The following PRKAR1A variants were observed in gnomAD, a reference collection of about 807,000 sequenced individuals.
PRKAR1A encodes cAMP-dependent protein kinase type I-alpha regulatory subunit.
In PRKAR1A, 3 loss-of-function variants were observed where a neutral mutation model predicts 52.0. The ratio of observed to expected loss-of-function variants is 0.06; its 90% CI spans 0.03 to 0.15. PRKAR1A has a LOEUF of 0.15. Among genes scored for constraint, PRKAR1A ranks in the 10% least tolerant of loss-of-function variants. The probability of loss-of-function intolerance (pLI) is 1.00; values close to 1 mark genes in which losing one functional copy is unlikely to be tolerated. For synonymous variants in PRKAR1A, 188 were observed against 168.4 expected, an observed-to-expected ratio of 1.12 and a Z score of -0.90; for missense variants, 240 against 477.4, an observed-to-expected ratio of 0.50 and a Z score of 4.63.
chr17:68,545,480 A>G (rs956547025), intron 11 of PRKAR1A, among the ~76,000 whole-genome samples: 3 of 152,232 alleles, frequency 2.0e-5, no homozygotes, highest in African/African-American at 7.2e-5. Flanking sequence ...TGAAAAATGT[A>G]TACATCTTAA....
At chr17:68,512,018 C>G (rs1306072252), upstream of PRKAR1A, 2 of 152,658 alleles carry the variant, frequency 1.3e-5, no homozygotes, top group Non-Finnish European at 2.9e-5. Context: ...CAAGGGAGGC[C>G]GGAGGGAGAG....
chr17:68,498,614 C>G, the PRKAR1A span, among the ~76,000 whole-genome samples: 3 of 152,198 alleles, frequency 2.0e-5, no homozygotes, highest in African/African-American at 7.2e-5. Flanking sequence ...GGTGCCATCC[C>G]CATGCCCTTA....
At chr17:68,420,623 C>G in the PRKAR1A span, 5 of 827,248 alleles carry the variant, frequency 6.0e-6, no homozygotes, top group Non-Finnish European at 9.3e-6. Context: ...TGTCCCTCCT[C>G]CACGCCGACC....
chr17:68,522,905 T>C lies in PRKAR1A; in HGVS notation c.327T>C (p.Asp109=), dbSNP rs1600479207. The change falls in exon 3 of 11, where the codon GAT becomes GAC. Residue 109 remains aspartate (D), a synonymous_variant. Transcript: ENST00000589228. ...GCGCTGAGGTCTACACGGAGGAAGATGCGGCATCCTATGTTAGAAAGGTAG... is the reference window on the plus strand; with the variant it reads ...GCGCTGAGGTCTACACGGAGGAAGACGCGGCATCCTATGTTAGAAAGGTAG... ...AISAEVYTEE[D]AASYVRKVIP... is the part of the protein sequence containing the mutation. 6.2e-7 allele frequency: 1 copy of C among 1,613,862 alleles called. No individual in the cohort carries two copies. Among genetic ancestry groups the C allele is most frequent in the Admixed American group, 1.7e-5 (1 of 60,010 alleles).
At chr17:68,517,100 A>C (rs1352072520) in intron 2 of PRKAR1A, among the ~76,000 whole-genome samples, 2 of 152,246 alleles carry the variant, frequency 1.3e-5, no homozygotes, top group African/African-American at 4.8e-5. Flanking sequence ...AATAATTATT[A>C]AAATGGTTTC....
rs1296802743 is a variant in PRKAR1A at position 68,524,016 on chromosome 17, T to A, written c.441T>A (p.Ser147Arg). 1 of 1,613,948 alleles carries A rather than the reference T, an allele frequency of 6.2e-7. No individual in the cohort carries two copies. The highest frequency in any genetic ancestry group is 8.5e-7 in the Non-Finnish European group (1 of 1,179,980). Residue 147 changes from serine to arginine, a missense_variant and splice_region_variant, in exon 5 of 11, where the codon AGT (serine) becomes AGA (arginine). Physicochemically the swap from Ser to Arg is moderately radical, Grantham distance 110. Transcript: ENST00000589228. ...ACACGAGGCCTTCTCTCTTTTGCAGTGATATTTTTGATGCCATGTTTTCGG... is the reference window on the plus strand; with the variant it reads ...ACACGAGGCCTTCTCTCTTTTGCAGAGATATTTTTGATGCCATGTTTTCGG... The part of the protein sequence containing the change: ...LFSHLDDNER[S>R]DIFDAMFSVS...
At chr17:68,545,654 A>G (rs1001132028) in intron 11 of PRKAR1A, among the ~76,000 whole-genome samples, 2 of 152,338 alleles carry the variant, frequency 1.3e-5, no homozygotes, top group Middle Eastern at 3.4e-3. Flanking sequence ...TCGATTCACA[A>G]AAGATGTATC....
intron 7 of PRKAR1A, among the ~76,000 whole-genome samples, chr17:68,527,188 A>G (rs1296284422): frequency 6.6e-6 from 1 of 152,230 alleles, no homozygotes; most frequent in African/African-American, 2.4e-5. Context: ...AGGGCCTCAC[A>G]ATGCTTTGGC....
At chr17:68,468,952 G>C in the PRKAR1A span, among the ~76,000 whole-genome samples, 2 of 152,114 alleles carry the variant, frequency 1.3e-5, no homozygotes, top group African/African-American at 4.8e-5. Flanking sequence ...GCTTAAGTCA[G>C]CCTCTATCTA....
chr17:68,469,464 A>G, the PRKAR1A span, among the ~76,000 whole-genome samples: 8 of 152,340 alleles, frequency 5.3e-5, no homozygotes, highest in South Asian at 1.7e-3. Flanking sequence ...ACAAAGTTCC[A>G]TGAGGATGGG....
At chr17:68,504,647 C>T in the PRKAR1A span, among the ~76,000 whole-genome samples, 3 of 152,056 alleles carry the variant, frequency 2.0e-5, no homozygotes, top group Non-Finnish European at 4.4e-5. Flanking sequence ...AACAACTGGA[C>T]TGATGGAGAT....
At chr17:68,418,947 TC>T in the PRKAR1A span, among the ~76,000 whole-genome samples, 1 of 151,622 alleles carries the variant, frequency 6.6e-6, no homozygotes, top group African/African-American at 2.4e-5. Context: ...TTGCTTTAAT[TC>T]CCTTTGTTTA....
At chr17:68,527,678 T>C in intron 7 of PRKAR1A, 162 bp from the exon 8 acceptor site, 1 of 609,042 alleles carries the variant, frequency 1.6e-6, no homozygotes, top group Non-Finnish European at 2.9e-6. Flanking sequence ...ACCTGTAAAA[T>C]AAAAATGAAT....
chr17:68,523,858 G>T, intron 4 of PRKAR1A, 42 bp downstream of exon 4: 1 of 1,599,236 alleles, frequency 6.3e-7, no homozygotes, highest in Non-Finnish European at 8.6e-7. Context: ...TCAAGTAAGG[G>T]TGTGATCCCA....
chr17:68,449,621 A>C, the PRKAR1A span, among the ~76,000 whole-genome samples: 1 of 152,026 alleles, frequency 6.6e-6, no homozygotes, highest in Non-Finnish European at 1.5e-5. Flanking sequence ...AGTACCCCCC[A>C]CCCGTCTCTT....
At chr17:68,466,409 C>CTT in the PRKAR1A span, among the ~76,000 whole-genome samples, 2,108 of 118,314 alleles carry the variant, frequency 0.018, 44 homozygotes, top group Non-Finnish European at 0.027. Flanking sequence ...TTTTCTCTCT[C>CTT]TTTTTTTTTT....
chr17:68,545,469 C>T (rs781341374), intron 11 of PRKAR1A, among the ~76,000 whole-genome samples: 35 of 152,160 alleles, frequency 2.3e-4, no homozygotes, highest in Non-Finnish European at 3.8e-4. Flanking sequence ...AGCATTATGT[C>T]TGAAAAATGT....
At chr17:68,534,296 T>C (rs2143418784), downstream of PRKAR1A, among the ~76,000 whole-genome samples, 1 of 152,334 alleles carries the variant, frequency 6.6e-6, no homozygotes, top group African/African-American at 2.4e-5. Context: ...TGCCACTAGA[T>C]GGTGGGCTTT....
the PRKAR1A span, among the ~76,000 whole-genome samples, chr17:68,484,600 A>G: frequency 6.6e-6 from 1 of 152,152 alleles, no homozygotes; most frequent in Non-Finnish European, 1.5e-5. Flanking sequence ...ATGAGAGTGG[A>G]TGACCTTGAC....
Sources: allele counts gnomAD v4.1 joint callset (sites outside exome capture counted in the v4.1 genomes callset), GRCh38; gene constraint gnomAD v4.1.1; transcripts MANE v1.5; gene names NCBI Gene and HGNC (gene_info 2026-07-23, HGNC 2026-07-21).